The following TENM2 variants were observed in gnomAD, a reference collection of about 807,000 sequenced individuals.
TENM2 encodes the protein teneurin-2.
A neutral mutation model predicts 245.2 loss-of-function variants in TENM2; 52 were observed. That is an observed-to-expected ratio of 0.21 (90% CI 0.17 to 0.27). The LOEUF (loss-of-function observed/expected upper bound fraction) is 0.27, where lower values mean the gene tolerates loss of function less well. Ranked by LOEUF, TENM2 falls within the 10% of genes least tolerant of loss-of-function variation. The pLI, the probability that TENM2 is intolerant of heterozygous loss-of-function variation, is 1.00. For synonymous variants in TENM2, 1,363 were observed against 1,438.9 expected (o/e 0.95, Z 1.19); for missense variants, 3,046 against 3,666.8 (o/e 0.83, Z 4.37).
At chr5:167,859,782 G>C in intron 2 of TENM2, among the ~76,000 whole-genome samples, 1 of 81,204 alleles carries the variant, frequency 1.2e-5, no homozygotes, top group African/African-American at 6.2e-5. Context: ...GGAGGGAGGT[G>C]GGGGGGTCAG....
At chr5:167,887,124 C>T (rs1378985597) in intron 3 of TENM2, among the ~76,000 whole-genome samples, 1 of 152,244 alleles carries the variant, frequency 6.6e-6, no homozygotes, top group East Asian at 1.9e-4. Context: ...CCAACCAACA[C>T]TGCCCAACTA....
At chr5:168,118,478 G>T in exon 10 of TENM2, 2 of 1,537,650 alleles carry the variant, frequency 1.3e-6, no homozygotes, top group Non-Finnish European at 1.8e-6. Context: ...GGCGAGCACT[G>T]TGAGGAAGGT....
rs958473596 is a variant in TENM2 at position 168,204,629 on chromosome 5, G to A, written c.3824+8G>A. 6.2e-7 allele frequency: 1 copy of A among 1,612,016 alleles called. No homozygotes were observed. Among genetic ancestry groups the A allele is most frequent in the Non-Finnish European group, 8.5e-7 (1 of 1,178,236 alleles). ...CAGCATCTTGGAGTTACGGTAAATG[G>A]CCTCACAGGCAACCTTCTTTTGCTC... is the stretch of plus-strand genomic sequence containing the variant. On this transcript the variant is annotated splice_region_variant and intron_variant, in intron 19 of 28. Transcript: ENST00000518659.
the TENM2 span, among the ~76,000 whole-genome samples, chr5:167,032,169 A>C: frequency 5.9e-5 from 9 of 152,210 alleles, no homozygotes; most frequent in Non-Finnish European, 1.2e-4. Flanking sequence ...AGCTAATTTC[A>C]AGAATTTTAT....
At chr5:167,303,278 C>G (rs561672962) in intron 1 of TENM2, 1 of 156,382 alleles carries the variant, frequency 6.4e-6, no homozygotes, top group African/African-American at 2.4e-5. Context: ...ATTTCATGGG[C>G]GTCTGTGTGA....
At chr5:168,196,619 G>A (rs1157407578) in intron 15 of TENM2, among the ~76,000 whole-genome samples, 1 of 152,028 alleles carries the variant, frequency 6.6e-6, no homozygotes, top group African/African-American at 2.4e-5. Context: ...CCGCCACCAC[G>A]CCCAGCTAAT....
chr5:167,877,422 C>T (rs1337838080), intron 3 of TENM2, among the ~76,000 whole-genome samples: 5 of 152,204 alleles, frequency 3.3e-5, no homozygotes, highest in African/African-American at 9.7e-5. Flanking sequence ...AATCAAATCT[C>T]TCATCAGATG....
chr5:167,782,848 T>G (rs1215690852), intron 2 of TENM2, among the ~76,000 whole-genome samples: 1 of 152,076 alleles, frequency 6.6e-6, no homozygotes, highest in Non-Finnish European at 1.5e-5. Flanking sequence ...AAAAAGCAAA[T>G]GTAGGTGAGA....
chr5:167,453,578 T>G (rs2127479490), intron 2 of TENM2, among the ~76,000 whole-genome samples: 1 of 152,280 alleles, frequency 6.6e-6, no homozygotes, highest in South Asian at 2.1e-4. Flanking sequence ...GTTTCTTCAT[T>G]TTTAAGAAAA....
At chr5:167,404,192 A>T (rs1348662571) in intron 2 of TENM2, among the ~76,000 whole-genome samples, 2 of 151,494 alleles carry the variant, frequency 1.3e-5, no homozygotes, top group Non-Finnish European at 2.9e-5. Context: ...AAGCTTGAGG[A>T]TGGGTAGAAG....
chr5:167,021,271 AT>A, the TENM2 span, among the ~76,000 whole-genome samples: 1 of 152,264 alleles, frequency 6.6e-6, no homozygotes, highest in Non-Finnish European at 1.5e-5. Context: ...AAGAAAAAAA[AT>A]GACTTTCTTT....
chr5:167,323,156 G>T (rs1756869281), intron 1 of TENM2, among the ~76,000 whole-genome samples: 1 of 152,118 alleles, frequency 6.6e-6, no homozygotes, highest in South Asian at 2.1e-4. Flanking sequence ...ACAGCATATA[G>T]AGCTCGACCG....
In TENM2 at chr5:168,047,559, C is replaced by T; in HGVS notation, c.1309+10C>T. ...CCATCTGGAGGCAAAGGTGAGGTTA[C>T]AGCTGCTGCTTGCCCTCTTGAGGTC... is the stretch of plus-strand genomic sequence containing the variant. On this transcript the variant is annotated intron_variant, in intron 6 of 28. Coordinates refer to ENST00000518659, the Ensembl canonical transcript of TENM2. 3 of 1,551,518 alleles carry T rather than the reference C, an allele frequency of 1.9e-6. No individual in the cohort carries two copies. The highest frequency in any genetic ancestry group is 1.2e-5 in the South Asian group (1 of 84,010).
In TENM2 at chr5:168,218,136, G is replaced by A; in HGVS notation, c.4245G>A (p.Glu1415=). The change falls in exon 23 of 29, where the codon GAG becomes GAA. Residue 1415 remains glutamate, a synonymous_variant. Coordinates refer to ENST00000518659, the Ensembl canonical transcript of TENM2. This position sits in a 1 kb window ranked among gnomAD's most constrained non-coding sequence, Gnocchi z 5.2. ...CACGTCATCCACAGGTTCGTCTGGAGTGGCCAACAGACCTTGCTGTCAATC... is the reference window on the plus strand; with the variant it reads ...CACGTCATCCACAGGTTCGTCTGGAATGGCCAACAGACCTTGCTGTCAATC... The A allele has an allele frequency of 6.2e-7, 1 of 1,612,398 alleles. No homozygotes were observed. Among genetic ancestry groups the A allele is most frequent in the Non-Finnish European group, 8.5e-7 (1 of 1,178,682 alleles).
intron 2 of TENM2, among the ~76,000 whole-genome samples, chr5:167,688,093 G>A (rs961114605): frequency 2.0e-5 from 3 of 152,126 alleles, no homozygotes; most frequent in Non-Finnish European, 2.9e-5. Flanking sequence ...AGAAACTGAG[G>A]GAGGGATCAG....
the TENM2 span, among the ~76,000 whole-genome samples, chr5:167,031,369 C>T: frequency 6.6e-6 from 1 of 152,090 alleles, no homozygotes; most frequent in Non-Finnish European, 1.5e-5. Context: ...AAGAAATGGC[C>T]TCCCTGAGCC....
At chr5:167,950,624 G>A (rs959847692) in intron 3 of TENM2, among the ~76,000 whole-genome samples, 4 of 152,058 alleles carry the variant, frequency 2.6e-5, no homozygotes, top group Admixed American at 6.5e-5. Context: ...TGAGAGAGGG[G>A]GAAAGAAAGG....
chr5:167,920,334 AAAAAAAG>A (rs1220347717), intron 3 of TENM2, among the ~76,000 whole-genome samples: 8 of 149,142 alleles, frequency 5.4e-5, no homozygotes, highest in Non-Finnish European at 1.0e-4. Context: ...TCTACTTAAA[AAAAAAAG>A]AAAAAAAAAG....
chr5:167,051,006 C>A, the TENM2 span, among the ~76,000 whole-genome samples: 1 of 152,134 alleles, frequency 6.6e-6, no homozygotes, highest in African/African-American at 2.4e-5. Context: ...TATGAATTCG[C>A]AACTGGCACT....
Sources: gnomAD v4.1 joint callset for allele counts (sites outside exome capture counted in the v4.1 genomes callset) on GRCh38, gnomAD v4.1.1 for gene constraint, Gnocchi (gnomAD v3.1) non-coding constraint, MANE v1.5 for transcripts, NCBI Gene and HGNC (gene_info 2026-07-23, HGNC 2026-07-21) for gene names.